The following HNF4G variants were observed in gnomAD, a reference collection of about 807,000 sequenced individuals.
HNF4G encodes the protein hepatocyte nuclear factor 4-gamma.
A neutral mutation model predicts 50.9 loss-of-function variants in HNF4G; 21 were observed. The ratio of observed to expected loss-of-function variants is 0.41; its 90% confidence interval spans 0.29 to 0.59. The LOEUF is 0.59. Ranked by LOEUF, HNF4G falls within the 20% of genes least tolerant of loss-of-function variation. The pLI is 0.26. For missense variants in HNF4G, 527 were observed against 559.4 expected, an observed-to-expected ratio of 0.94 and a Z score of 0.58; for synonymous variants, 198 against 185.6, an observed-to-expected ratio of 1.07 and a Z score of -0.54.
At position 75,558,587 on chromosome 8, in the gene HNF4G, A is replaced by T; in HGVS notation, c.803A>T (p.Asp268Val). 1 of 1,613,928 alleles carries T rather than the reference A, an allele frequency of 6.2e-7. No individual in the cohort carries two copies. Among genetic ancestry groups the T allele is most frequent in the Non-Finnish European group, 8.5e-7 (1 of 1,179,830 alleles). ...EISRVANRVL[D>V]ELVRPFQEIQ... is the part of the protein sequence containing the mutation. ...AGCCGTGTGGCCAATCGTGTTCTAG[A>T]TGAGCTGGTTAGACCATTTCAAGAA... Residue 268 changes from aspartate (D) to valine (V), a missense_variant, in exon 7 of 10, where the codon GAT becomes GTT. Coordinates refer to ENST00000396423, the MANE Select transcript of HNF4G (RefSeq NM_004133.5).
intron 1 of HNF4G, among the ~76,000 whole-genome samples, chr8:75,454,028 T>C (rs1411971429): frequency 2.0e-5 from 2 of 97,834 alleles, no homozygotes; most frequent in Non-Finnish European, 3.9e-5. Flanking sequence ...AAGAAATTTC[T>C]CTCTCTCTCT....
chr8:75,417,622 A>C (rs1183213576), intron 1 of HNF4G, among the ~76,000 whole-genome samples: 2 of 152,174 alleles, frequency 1.3e-5, no homozygotes, highest in African/African-American at 4.8e-5. Context: ...AAATAAGGTA[A>C]TTTTATTTTT....
chr8:75,556,131 C>A, intron 6 of HNF4G, 62 bp downstream of exon 6: 1 of 884,804 alleles, frequency 1.1e-6, no homozygotes, highest in Non-Finnish European at 1.8e-6. Flanking sequence ...CAATATTATA[C>A]AGGGTCTGTT....
chr8:75,516,290 TA>T (rs777281265), intron 2 of HNF4G, among the ~76,000 whole-genome samples: 5 of 152,182 alleles, frequency 3.3e-5, no homozygotes, highest in South Asian at 2.1e-4. Flanking sequence ...TTAGTTCAAA[TA>T]TTTTTTTTTA....
chr8:75,539,927 GC>G lies in HNF4G; in HGVS notation c.-35del. The stretch of plus-strand genomic sequence containing the variant: ...TCAAAACACTCATCACGCACTCTGG[GC>G]TTGTGGTGCCACTTGTATGTGTGTT... On this transcript the variant is annotated 5_prime_UTR_variant, in exon 1 of 10. Coordinates refer to ENST00000396423, the MANE Select transcript of HNF4G (RefSeq NM_004133.5). 1.0e-6 allele frequency: 1 copy of G among 955,912 alleles called. No homozygotes were observed. The highest frequency in any genetic ancestry group is 1.7e-6 in the Non-Finnish European group (1 of 583,370). The allele number at this position is 955,912 out of a possible 1,614,324, so 59.2% of individuals were successfully genotyped here.
intron 1 of HNF4G, among the ~76,000 whole-genome samples, chr8:75,450,692 GC>G (rs1251518842): frequency 6.6e-6 from 1 of 152,144 alleles, no homozygotes; most frequent in Non-Finnish European, 1.5e-5. Flanking sequence ...GATGATTAGT[GC>G]CACAATTTGA....
At chr8:75,414,462 T>C (rs1810581932) in intron 1 of HNF4G, among the ~76,000 whole-genome samples, 1 of 152,176 alleles carries the variant, frequency 6.6e-6, no homozygotes, top group African/African-American at 2.4e-5. Context: ...ACCCATGAAA[T>C]CACCACAGTA....
intron 1 of HNF4G, among the ~76,000 whole-genome samples, chr8:75,459,283 T>G (rs1343523851): frequency 6.6e-6 from 1 of 152,188 alleles, no homozygotes; most frequent in Non-Finnish European, 1.5e-5. Context: ...CAGTGTAATA[T>G]TCATAAAGTG....
At chr8:75,494,566 A>G (rs1812719487) in intron 2 of HNF4G, among the ~76,000 whole-genome samples, 1 of 152,176 alleles carries the variant, frequency 6.6e-6, no homozygotes, top group African/African-American at 2.4e-5. Context: ...ATTACACATT[A>G]AAATATTATG....
upstream of HNF4G, among the ~76,000 whole-genome samples, chr8:75,538,737 T>G (rs1806534600): frequency 6.6e-6 from 1 of 152,200 alleles, no homozygotes; most frequent in Admixed American, 6.6e-5. Flanking sequence ...AAGAGGACTA[T>G]TCCAATGATC....
chr8:75,461,023 G>T (rs1811826313), intron 1 of HNF4G, among the ~76,000 whole-genome samples: 1 of 152,092 alleles, frequency 6.6e-6, no homozygotes, highest in Non-Finnish European at 1.5e-5. Flanking sequence ...TTCCAACTTT[G>T]CAGATAAAGA....
chr8:75,491,562 C>T lies in HNF4G; in HGVS notation c.-24+1354C>T, dbSNP rs186228950. ...CGATCTCCGCTCACTGCAACCTCTGCCTCCTGGGGATTCAAGCAATTCTCG... is the reference window on the plus strand; with the variant it reads ...CGATCTCCGCTCACTGCAACCTCTGTCTCCTGGGGATTCAAGCAATTCTCG... On this transcript the variant is annotated intron_variant, in intron 2 of 10. Coordinates refer to the HNF4G transcript ENST00000354370. Among the ~76,000 whole-genome samples, 267 of 152,104 alleles carry T rather than the reference C, an allele frequency of 1.8e-3. 1 individual carries two copies. The highest frequency in any genetic ancestry group is 3.5e-3 in the South Asian group (17 of 4,820).
At chr8:75,452,867 T>C (rs760528887) in intron 1 of HNF4G, among the ~76,000 whole-genome samples, 1 of 152,250 alleles carries the variant, frequency 6.6e-6, no homozygotes, top group Non-Finnish European at 1.5e-5. Flanking sequence ...GTGAATATGT[T>C]TGCTTTTCCA....
chr8:75,553,950 G>C (rs182965527), intron 5 of HNF4G, among the ~76,000 whole-genome samples: 1 of 151,944 alleles, frequency 6.6e-6, no homozygotes. Context: ...ATTTTGAACC[G>C]TTCTTACTAA....
intron 1 of HNF4G, among the ~76,000 whole-genome samples, chr8:75,468,491 C>G (rs887467394): frequency 6.6e-6 from 1 of 151,990 alleles, no homozygotes; most frequent in Non-Finnish European, 1.5e-5. Context: ...GTCAGGAGTT[C>G]GAGACCAGCC....
chr8:75,557,935 A>C (rs1284422457), intron 6 of HNF4G, among the ~76,000 whole-genome samples: 2 of 152,150 alleles, frequency 1.3e-5, no homozygotes. Flanking sequence ...GAACTCCCTT[A>C]AAGTCAGCCT....
intron 1 of HNF4G, among the ~76,000 whole-genome samples, chr8:75,432,802 G>A (rs187924512): frequency 2.0e-3 from 303 of 152,156 alleles, no homozygotes; most frequent in Non-Finnish European, 3.1e-3. Context: ...TGATTTCTGA[G>A]GTTAAACTAT....
chr8:75,494,112 G>T (rs560886922), intron 2 of HNF4G, among the ~76,000 whole-genome samples: 24 of 152,080 alleles, frequency 1.6e-4, no homozygotes, highest in African/African-American at 5.8e-4. Context: ...TTCATACTTT[G>T]TCGAAACAAT....
Position 75,464,546 on chromosome 8 carries a change from G to A in HNF4G, c.-143-25543G>A, listed in dbSNP as rs938926889. Among the ~76,000 whole-genome samples the A allele has an allele frequency of 2.1e-4, 32 of 152,122 alleles. 1 individual carries two copies. Among genetic ancestry groups the A allele is most frequent in the African/African-American group, 7.5e-4 (31 of 41,520 alleles). ...GTTCCTTCTTCATTCAGAATGTGTG[G>A]CCTCTTTAATCTTGCTGTGCAGCTG... is the stretch of plus-strand genomic sequence containing the variant. On this transcript the variant is annotated intron_variant, in intron 1 of 10. Transcript: ENST00000354370.
Sources: gnomAD v4.1 joint callset for allele counts (sites outside exome capture counted in the v4.1 genomes callset) on GRCh38, gnomAD v4.1.1 for gene constraint, MANE v1.5 for transcripts, NCBI Gene and HGNC (gene_info 2026-07-23, HGNC 2026-07-21) for gene names.